Variants in EPS15L1 observed in about 807,000 individuals in gnomAD.
The protein encoded by EPS15L1 is epidermal growth factor receptor pathway substrate 15 like 1.
EPS15L1 carries 43 observed loss-of-function variants against 117.1 expected under a neutral mutation model. The ratio of observed to expected loss-of-function variants is 0.37; its 90% confidence interval spans 0.29 to 0.47. The LOEUF (loss-of-function observed/expected upper bound fraction) is 0.47. Among genes scored for constraint, EPS15L1 ranks in the 20% least tolerant of loss-of-function variants. The pLI, the probability that EPS15L1 is intolerant of heterozygous loss-of-function variation, is 0.99. For synonymous variants in EPS15L1, 459 were observed against 470.5 expected, an observed-to-expected ratio of 0.98 and a Z score of 0.32; for missense variants, 981 against 1,164.0, an observed-to-expected ratio of 0.84 and a Z score of 2.29.
intron 1 of EPS15L1, among the ~76,000 whole-genome samples, chr19:16,444,488 A>T (rs1305695880): frequency 1.3e-5 from 2 of 152,094 alleles, no homozygotes; most frequent in Non-Finnish European, 2.9e-5. Flanking sequence ...TCTGGGCTCA[A>T]ACTCCAGCTT....
intron 9 of EPS15L1, among the ~76,000 whole-genome samples, chr19:16,424,609 A>G (rs1450206888): frequency 6.6e-6 from 1 of 152,088 alleles, no homozygotes; most frequent in Non-Finnish European, 1.5e-5. Flanking sequence ...CAAGGAGTTC[A>G]AGACCAGCCT....
At chr19:16,413,695 C>A in intron 13 of EPS15L1, 78 bp downstream of exon 13, 1 of 1,246,338 alleles carries the variant, frequency 8.0e-7, no homozygotes, top group Middle Eastern at 1.8e-4. Flanking sequence ...CCCTTCCCCA[C>A]CACCAGCCAG....
chr19:16,438,632 C>A (rs894803674), intron 4 of EPS15L1, among the ~76,000 whole-genome samples: 6 of 152,126 alleles, frequency 3.9e-5, no homozygotes, highest in Non-Finnish European at 8.8e-5. Context: ...TGGGCTCAAG[C>A]GATCCTCCTG....
intron 1 of EPS15L1, among the ~76,000 whole-genome samples, chr19:16,454,384 C>T (rs1239630365): frequency 1.3e-5 from 2 of 152,140 alleles, no homozygotes; most frequent in Non-Finnish European, 2.9e-5. Context: ...TGGAACCTGG[C>T]GGGACAGGGC....
At chr19:16,424,668 T>G (rs968036085) in intron 9 of EPS15L1, among the ~76,000 whole-genome samples, 2 of 149,450 alleles carry the variant, frequency 1.3e-5, no homozygotes, top group African/African-American at 4.9e-5. Flanking sequence ...AATGAATACT[T>G]TTTTTTTTTG....
At chr19:16,442,882 T>C (rs1268619276) in intron 1 of EPS15L1, among the ~76,000 whole-genome samples, 1 of 152,188 alleles carries the variant, frequency 6.6e-6, no homozygotes, top group African/African-American at 2.4e-5. Context: ...CTTCCCCATC[T>C]AGGGTCACGC....
At chr19:16,466,265 C>T (rs533019723) in intron 1 of EPS15L1, among the ~76,000 whole-genome samples, 50 of 152,152 alleles carry the variant, frequency 3.3e-4, no homozygotes, top group African/African-American at 1.2e-3. Flanking sequence ...GCCCCTCTTG[C>T]CCCTATACAC....
In EPS15L1 at chr19:16,381,053, C is replaced by G. The variant is rs867279563; in HGVS notation, c.2248-3799G>C. 6.6e-6 allele frequency among the ~76,000 whole-genome samples: 1 copy of G among 152,228 alleles called. No individual in the cohort carries two copies. The highest frequency in any genetic ancestry group is 2.4e-5 in the African/African-American group (1 of 41,464). On this transcript the variant is annotated intron_variant, in intron 21 of 23. Transcript: ENST00000455140. The surrounding 1 kb of genome is among the most constrained non-coding windows in gnomAD (Gnocchi z 4.2). ...CCCCCGATAAGGGCAGTGGCAGGTG[C>G]CCCCAGGGAGGGGAAGGGGCCCCAA...
At chr19:16,434,217 G>T in intron 7 of EPS15L1, 148 bp downstream of exon 7, 3 of 1,078,822 alleles carry the variant, frequency 2.8e-6, no homozygotes, top group Non-Finnish European at 4.0e-6. Context: ...GCTGGGGCTG[G>T]ACCCACAGGA....
In EPS15L1 at chr19:16,413,045, C is replaced by T. The variant is rs1312026133; in HGVS notation, c.1266+728G>A. The T allele has an allele frequency of 2.2e-5, 16 of 731,580 alleles. 2 individuals carry two copies. Among genetic ancestry groups the T allele is most frequent in the South Asian group, 8.6e-5 (6 of 69,644 alleles). The allele number at this position is 731,580 out of a possible 1,614,324, so 45.3% of individuals were successfully genotyped here. On this transcript the variant is annotated intron_variant, in intron 13 of 23. Transcript: ENST00000455140. ...TTATGCCAGTGCAGAAACAGACCCG[C>T]GCCGGCCAGTGCACCAGGTTCAAGG...
At chr19:16,441,549 A>C (rs1444000810) in intron 3 of EPS15L1, 1 of 176,060 alleles carries the variant, frequency 5.7e-6, no homozygotes, top group Non-Finnish European at 1.2e-5. Flanking sequence ...GAATCACTTG[A>C]ACCCGGGAGG....
rs776667224 is a variant in EPS15L1, at chr19:16,404,579, G to T, written c.1428+9C>A. On this transcript the variant is annotated intron_variant, in intron 14 of 23. Transcript: ENST00000455140. The surrounding 1 kb of genome is among the most constrained non-coding windows in gnomAD (Gnocchi z 4.2). ...ATAGGGCGCTGCCCCGGAGGTGGCC[G>T]GGACCCACCATCTGAGTCTCATCCT... is the stretch of plus-strand genomic sequence containing the variant. 6.8e-6 allele frequency: 11 copies of T among 1,613,790 alleles called. No homozygotes were observed. The highest frequency in any genetic ancestry group is 1.7e-5 in the Admixed American group (1 of 59,984).
At position 16,440,637 on chromosome 19, in the gene EPS15L1, A is replaced by AAAAT. The variant is rs573937966; in HGVS notation, c.213+221_213+224dup. 151 of 324,954 alleles carry AAAAT rather than the reference A, an allele frequency of 4.6e-4. 2 individuals carry two copies. Among genetic ancestry groups the AAAAT allele is most frequent in the African/African-American group, 2.4e-3 (114 of 46,682 alleles). 20.1% of individuals were successfully genotyped at this position (324,954 alleles called of 1,614,324 possible). A position where few individuals can be genotyped will look rare whatever the true frequency, so the allele number is the denominator to read the frequency against. ...TGTAAGGTTACAAAACATTAAAAGA[A>AAAAT]AAATAAATAAATAAATAAATAAAAG... On this transcript the variant is annotated intron_variant, in intron 4 of 23. Transcript: ENST00000455140.
At chr19:16,427,271 C>A (rs1378526822) in intron 8 of EPS15L1, among the ~76,000 whole-genome samples, 1 of 152,118 alleles carries the variant, frequency 6.6e-6, no homozygotes, top group African/African-American at 2.4e-5. Context: ...GGTGACAGAA[C>A]AAGACTCTGT....
chr19:16,455,584 T>C (rs1208889037), intron 1 of EPS15L1, among the ~76,000 whole-genome samples: 2 of 152,242 alleles, frequency 1.3e-5, no homozygotes, highest in Non-Finnish European at 2.9e-5. Flanking sequence ...TCTCCCATCT[T>C]GCTTCACTAA....
At chr19:16,415,324 G>A (rs186126810) in intron 12 of EPS15L1, among the ~76,000 whole-genome samples, 22 of 152,308 alleles carry the variant, frequency 1.4e-4, no homozygotes, top group Middle Eastern at 6.8e-3. Flanking sequence ...CACCCATTCA[G>A]AGTGGTTTGT....
chr19:16,464,950 G>A (rs1445319611), intron 1 of EPS15L1, among the ~76,000 whole-genome samples: 2 of 151,870 alleles, frequency 1.3e-5, no homozygotes, highest in African/African-American at 4.8e-5. Context: ...GTGGTGGCGG[G>A]TGCCTGTAGT....
At chr19:16,429,984 G>A (rs1357756717) in intron 7 of EPS15L1, among the ~76,000 whole-genome samples, 2 of 152,198 alleles carry the variant, frequency 1.3e-5, no homozygotes, top group South Asian at 2.1e-4. Flanking sequence ...CTCGACCCAG[G>A]TGTGACAACC....
In EPS15L1 at chr19:16,392,436, T is replaced by C. The variant is rs966644036; in HGVS notation, c.1971A>G (p.Pro657=). Residue 657 remains proline (P), a synonymous_variant, in exon 19 of 24, where the codon CCA becomes CCG. Transcript: ENST00000455140. ...FAEQQTTSTD[P]FGGDPFKESD... is the part of the protein sequence containing the mutation. The stretch of plus-strand genomic sequence containing the variant: ...TTTCTTTGAAAGGGTCCCCTCCAAA[T>C]GGATCTAGAAGGAAAAATGCCCCAT... The C allele has an allele frequency of 1.9e-6, 3 of 1,614,082 alleles. No individual in the cohort carries two copies. The highest frequency in any genetic ancestry group is 1.3e-5 in the African/African-American group (1 of 75,020).
Sources: gnomAD v4.1 joint callset for allele counts (sites outside exome capture counted in the v4.1 genomes callset) on GRCh38, gnomAD v4.1.1 for gene constraint, Gnocchi (gnomAD v3.1) non-coding constraint, MANE v1.5 for transcripts, NCBI Gene and HGNC (gene_info 2026-07-23, HGNC 2026-07-21) for gene names.